Variants in NXN observed in about 807,000 individuals in gnomAD.
NXN encodes the protein nucleoredoxin 1.
Under a neutral mutation model 48.6 loss-of-function variants are expected in NXN, and 16 were observed. The observed-to-expected ratio is 0.33, with a 90% CI of 0.22 to 0.50. The LOEUF is 0.50. Ranked by LOEUF, NXN falls within the 20% of genes least tolerant of loss-of-function variation. The pLI, the probability that NXN is intolerant of heterozygous loss-of-function variation, is 0.98. For synonymous variants in NXN, 281 were observed against 269.6 expected (o/e 1.04, Z -0.41); for missense variants, 492 against 605.5 (o/e 0.81, Z 1.97).
At chr17:953,488 T>C (rs2586283) in intron 1 of NXN, among the ~76,000 whole-genome samples, 119,881 of 152,100 alleles carry the variant, frequency 0.79, 47,593 homozygotes, top group African/African-American at 0.88. Flanking sequence ...ACACCCCCTG[T>C]CCCTGAGGAC....
intron 1 of NXN, among the ~76,000 whole-genome samples, chr17:871,996 G>T (rs1308705144): frequency 1.3e-5 from 2 of 152,106 alleles, no homozygotes; most frequent in African/African-American, 4.8e-5. Context: ...CACCATGTGT[G>T]CTGTGGCAAA....
intron 1 of NXN, among the ~76,000 whole-genome samples, chr17:966,405 T>C (rs542662804): frequency 6.6e-6 from 1 of 152,166 alleles, no homozygotes; most frequent in East Asian, 1.9e-4. Context: ...CGGAGCGCAG[T>C]GGCACGAATT....
rs1269720746 is a variant in NXN, at chr17:978,101, TCAA to T, written c.360+1215_360+1217del. ...TCCCAGTAAATCTAAATCATGCTTC[TCAA>T]CAAGATTCTGCACATATAAAAGGAA... is the stretch of plus-strand genomic sequence containing the variant. On this transcript the variant is annotated intron_variant, in intron 1 of 7. Transcript: ENST00000336868. The surrounding 1 kb of genome is among the most constrained non-coding windows in gnomAD (Gnocchi z 4.1). Among the ~76,000 whole-genome samples, 1 of 152,144 alleles carries T rather than the reference TCAA, an allele frequency of 6.6e-6. No individual in the cohort carries two copies. The highest frequency in any genetic ancestry group is 1.9e-4 in the East Asian group (1 of 5,200).
chr17:850,682 G>A (rs1229016429), intron 1 of NXN, among the ~76,000 whole-genome samples: 1 of 152,184 alleles, frequency 6.6e-6, no homozygotes, highest in African/African-American at 2.4e-5. Context: ...GAAGGCGGGA[G>A]GTTTCTTCTG....
chr17:881,772 C>T (rs924271354), intron 1 of NXN, among the ~76,000 whole-genome samples: 2 of 152,188 alleles, frequency 1.3e-5, no homozygotes, highest in African/African-American at 2.4e-5. Context: ...TGGGACACTT[C>T]TCAGCAATAA....
chr17:839,656 G>A (rs575294933), intron 1 of NXN, among the ~76,000 whole-genome samples: 5 of 151,040 alleles, frequency 3.3e-5, no homozygotes, highest in African/African-American at 9.7e-5. Context: ...AAAAAAATTA[G>A]CCTGGCATGG....
chr17:899,351 C>T (rs531455735), intron 1 of NXN, among the ~76,000 whole-genome samples: 24 of 152,278 alleles, frequency 1.6e-4, no homozygotes. Context: ...TCCATTAATT[C>T]AACAAATATT....
intron 1 of NXN, among the ~76,000 whole-genome samples, chr17:864,461 T>C (rs767427445): frequency 6.6e-6 from 1 of 152,160 alleles, no homozygotes; most frequent in African/African-American, 2.4e-5. Flanking sequence ...GGAGGGCGGA[T>C]TGCATGGAAA....
intron 1 of NXN, among the ~76,000 whole-genome samples, chr17:952,869 G>A (rs1184125287): frequency 1.3e-5 from 2 of 151,974 alleles, no homozygotes; most frequent in Non-Finnish European, 1.5e-5. Flanking sequence ...TACCACGGAC[G>A]ACAGGTTCCT....
At chr17:875,386 C>T (rs929804258) in intron 1 of NXN, among the ~76,000 whole-genome samples, 1 of 152,042 alleles carries the variant, frequency 6.6e-6, no homozygotes, top group African/African-American at 2.4e-5. Context: ...TTATCAACAA[C>T]CCCATTGAGC....
chr17:870,755 G>C lies in NXN; in HGVS notation c.361-44677C>G, dbSNP rs150178888. 5.2e-3 allele frequency among the ~76,000 whole-genome samples: 683 copies of C among 131,442 alleles called. 3 individuals carry two copies. The highest frequency in any genetic ancestry group is 0.018 in the African/African-American group (643 of 36,184). 86.2% of individuals were successfully genotyped at this position (131,442 alleles called of 152,430 possible). A position where few individuals can be genotyped will look rare whatever the true frequency, so the allele number is the denominator to read the frequency against. On this transcript the variant is annotated intron_variant, in intron 1 of 7. Coordinates refer to ENST00000336868, the MANE Select transcript of NXN (RefSeq NM_022463.5). ...GGGCAACAGAGTGAGACTCTGTCTG[G>C]AAAAAAAAAAAAAAAGAATCTTATC... is the stretch of plus-strand genomic sequence containing the variant.
chr17:803,882 G>C (rs369939906), intron 6 of NXN, 76 bp from the exon 7 acceptor site: 2 of 1,592,000 alleles, frequency 1.3e-6, no homozygotes, highest in African/African-American at 1.3e-5. Flanking sequence ...ACCCGCCGAG[G>C]GGGCCTGAGC....
At chr17:913,502 G>T (rs1415439455) in intron 1 of NXN, among the ~76,000 whole-genome samples, 2 of 152,336 alleles carry the variant, frequency 1.3e-5, no homozygotes, top group East Asian at 3.9e-4. Context: ...CAGACAGAGA[G>T]CAACAGGCTG....
At chr17:840,527 G>A (rs1157361920) in intron 1 of NXN, among the ~76,000 whole-genome samples, 1 of 152,136 alleles carries the variant, frequency 6.6e-6, no homozygotes, top group Non-Finnish European at 1.5e-5. Context: ...TTTTAGTAGA[G>A]ACAGGGTTTC....
chr17:813,148 C>A (rs559351750), intron 5 of NXN, among the ~76,000 whole-genome samples: 17 of 152,352 alleles, frequency 1.1e-4, no homozygotes, highest in South Asian at 6.2e-4. Context: ...AGAATTCAAT[C>A]AAAAATACTG....
intron 5 of NXN, among the ~76,000 whole-genome samples, chr17:809,476 C>T (rs1005470567): frequency 2.5e-4 from 38 of 152,094 alleles, no homozygotes; most frequent in African/African-American, 7.7e-4. Flanking sequence ...AGTTTTGAAG[C>T]AGGTGGGGGC....
chr17:801,331 T>C (rs976677935), intron 7 of NXN, among the ~76,000 whole-genome samples, 200 bp from the exon 8 acceptor site: 4 of 152,138 alleles, frequency 2.6e-5, no homozygotes, highest in African/African-American at 9.7e-5. Flanking sequence ...AAATTCTCTC[T>C]TTGCATCCGC....
At chr17:927,091 A>G (rs1321095232) in intron 1 of NXN, among the ~76,000 whole-genome samples, 1 of 151,568 alleles carries the variant, frequency 6.6e-6, no homozygotes, top group Non-Finnish European at 1.5e-5. Context: ...AGGTGGGCGG[A>G]TCACGAGGTC....
chr17:827,491 C>G (rs868796199), intron 1 of NXN, among the ~76,000 whole-genome samples: 1 of 152,110 alleles, frequency 6.6e-6, no homozygotes, highest in Non-Finnish European at 1.5e-5. Context: ...GGCGTGGTGG[C>G]GGGCGCCTGT....
Sources: allele counts gnomAD v4.1 joint callset (sites outside exome capture counted in the v4.1 genomes callset), GRCh38; gene constraint gnomAD v4.1.1; non-coding constraint Gnocchi (gnomAD v3.1); transcripts MANE v1.5; gene names NCBI Gene and HGNC (gene_info 2026-07-23, HGNC 2026-07-21).